The following BMPR1B variants were observed in gnomAD, a reference collection of about 807,000 sequenced individuals.
BMPR1B encodes the protein bone morphogenetic protein receptor type-1B.
Under a neutral mutation model 59.1 loss-of-function variants are expected in BMPR1B, and 12 were observed. The ratio of observed to expected loss-of-function variants is 0.20; its 90% CI spans 0.13 to 0.33. The LOEUF is 0.33. Ranked by LOEUF, BMPR1B falls within the 10% of genes least tolerant of loss-of-function variation. The pLI is 1.00. For missense variants in BMPR1B, 550 were observed against 610.9 expected (o/e 0.90, Z 1.05); for synonymous variants, 237 against 207.3 (o/e 1.14, Z -1.23).
At chr4:94,998,796 C>G (rs1166573068) in intron 3 of BMPR1B, among the ~76,000 whole-genome samples, 1 of 152,132 alleles carries the variant, frequency 6.6e-6, no homozygotes, top group Non-Finnish European at 1.5e-5. Flanking sequence ...CTATGAGTCT[C>G]TTGTTCATAT....
At chr4:95,093,432 TCTATGTCTGCTGAGGTTTATAA>T (rs1456893692) in intron 3 of BMPR1B, among the ~76,000 whole-genome samples, 2 of 1,354 alleles carry the variant, frequency 1.5e-3, no homozygotes, top group Non-Finnish European at 4.1e-3. Flanking sequence ...GGTTTATAAT[TCTATGTCTGCTGAGGTTTATAA>T]TTCTATGTCA....
At chr4:95,127,949 A>C (rs568892000) in intron 8 of BMPR1B, among the ~76,000 whole-genome samples, 1 of 150,612 alleles carries the variant, frequency 6.6e-6, no homozygotes, top group East Asian at 1.9e-4. Flanking sequence ...TTGTGGTGCG[A>C]TCTTGTCTCA....
At chr4:95,132,950 C>T (rs1251599523) in intron 10 of BMPR1B, among the ~76,000 whole-genome samples, 1 of 152,172 alleles carries the variant, frequency 6.6e-6, no homozygotes, top group Non-Finnish European at 1.5e-5. Context: ...CCAACTTCTC[C>T]TTTCTCTCTC....
At chr4:94,846,548 C>T (rs1002661439) in intron 1 of BMPR1B, among the ~76,000 whole-genome samples, 13 of 152,172 alleles carry the variant, frequency 8.5e-5, no homozygotes, top group African/African-American at 1.2e-4. Flanking sequence ...ATCTTTCTCC[C>T]GTGCTGGATG....
chr4:95,038,426 A>G (rs905289732), intron 3 of BMPR1B, among the ~76,000 whole-genome samples: 1 of 152,200 alleles, frequency 6.6e-6, no homozygotes, highest in Non-Finnish European at 1.5e-5. Context: ...TCAGAAAGAC[A>G]TCAAGCTTTA....
chr4:94,856,762 A>G (rs1450318792), intron 1 of BMPR1B, among the ~76,000 whole-genome samples: 1 of 152,212 alleles, frequency 6.6e-6, no homozygotes, highest in Non-Finnish European at 1.5e-5. Flanking sequence ...AAAGGTGGCA[A>G]ACAACTTGGG....
chr4:94,842,954 A>T (rs767997380), intron 1 of BMPR1B, among the ~76,000 whole-genome samples: 3 of 152,160 alleles, frequency 2.0e-5, no homozygotes, highest in Non-Finnish European at 4.4e-5. Context: ...GTTGAAATTG[A>T]ATTAGCTGTT....
intron 2 of BMPR1B, among the ~76,000 whole-genome samples, chr4:94,929,836 G>C (rs116023297): frequency 6.6e-6 from 1 of 151,870 alleles, no homozygotes; most frequent in Non-Finnish European, 1.5e-5. Context: ...AGCTTGACAC[G>C]TCCCATGTCC....
intron 2 of BMPR1B, among the ~76,000 whole-genome samples, chr4:94,908,828 A>G (rs1301456679): frequency 6.6e-6 from 1 of 152,060 alleles, no homozygotes; most frequent in Non-Finnish European, 1.5e-5. Context: ...CTCCGTGTTC[A>G]TAGTTCTTAT....
chr4:95,116,530 T>C (rs1349052236), intron 6 of BMPR1B, among the ~76,000 whole-genome samples: 1 of 151,916 alleles, frequency 6.6e-6, no homozygotes, highest in Non-Finnish European at 1.5e-5. Flanking sequence ...TGATTTTTCA[T>C]GATTGATTTT....
At chr4:94,982,677 C>G (rs758904715) in intron 2 of BMPR1B, among the ~76,000 whole-genome samples, 29 of 152,156 alleles carry the variant, frequency 1.9e-4, no homozygotes, top group Middle Eastern at 3.2e-3. Flanking sequence ...TTGACATCAT[C>G]ATGTGTCCTC....
chr4:95,041,935 A>G lies in BMPR1B; in HGVS notation c.-18+45801A>G, dbSNP rs553435900. 4.6e-5 allele frequency among the ~76,000 whole-genome samples: 7 copies of G among 152,116 alleles called. No homozygotes were observed. In the East Asian group the frequency reaches 1.4e-3, roughly 30 times the overall value. On this transcript the variant is annotated intron_variant, in intron 3 of 12. Coordinates refer to ENST00000515059, the MANE Select transcript of BMPR1B (RefSeq NM_001203.3). ...AGTGGTGCGATCTCAATTCACTGCAAGCTCCACCTCCCGGAGCTTCATGCC... is the reference window on the plus strand; with the variant it reads ...AGTGGTGCGATCTCAATTCACTGCAGGCTCCACCTCCCGGAGCTTCATGCC...
chr4:95,007,846 C>T (rs189632071), intron 3 of BMPR1B, among the ~76,000 whole-genome samples: 1 of 152,076 alleles, frequency 6.6e-6, no homozygotes, highest in Non-Finnish European at 1.5e-5. Flanking sequence ...AATGTGTTAA[C>T]CCATACCAAA....
chr4:94,804,454 C>T (rs139369287), intron 1 of BMPR1B, among the ~76,000 whole-genome samples: 101 of 152,222 alleles, frequency 6.6e-4, no homozygotes, highest in African/African-American at 2.4e-3. Context: ...CTATTGATTT[C>T]TAATAGAAAA....
intron 3 of BMPR1B, among the ~76,000 whole-genome samples, chr4:95,063,744 A>T (rs1031955268): frequency 6.6e-6 from 1 of 152,158 alleles, no homozygotes; most frequent in Non-Finnish European, 1.5e-5. Flanking sequence ...CTCTTGAAAA[A>T]CATGCTGTAT....
In BMPR1B at chr4:94,857,995, G is replaced by A. The variant is rs138708801; in HGVS notation, c.-182-17836G>A. 2.8e-3 allele frequency among the ~76,000 whole-genome samples: 424 copies of A among 152,148 alleles called. 1 individual carries two copies. Among genetic ancestry groups the A allele is most frequent in the African/African-American group, 9.3e-3 (385 of 41,500 alleles). On this transcript the variant is annotated intron_variant, in intron 1 of 12. Coordinates refer to ENST00000515059, the MANE Select transcript of BMPR1B (RefSeq NM_001203.3). ...GAGTCTCGCTCTGTCGCCCAGGCTG[G>A]AGTGCAGTGGCGCAATCTTGGCTCA... is the stretch of plus-strand genomic sequence containing the variant.
At chr4:95,070,723 A>C (rs1728216933) in intron 3 of BMPR1B, among the ~76,000 whole-genome samples, 1 of 152,220 alleles carries the variant, frequency 6.6e-6, no homozygotes, top group South Asian at 2.1e-4. Flanking sequence ...AGGAGCATAG[A>C]AGTTCTTAAT....
At chr4:94,968,491 C>T (rs574988782) in intron 2 of BMPR1B, among the ~76,000 whole-genome samples, 23 of 151,916 alleles carry the variant, frequency 1.5e-4, no homozygotes, top group South Asian at 4.2e-4. Flanking sequence ...ATCAGACAGC[C>T]GAATGTCAAT....
At chr4:95,103,506 G>A in intron 3 of BMPR1B, 2 of 984,774 alleles carry the variant, frequency 2.0e-6, no homozygotes, top group Non-Finnish European at 2.4e-6. Context: ...CACAACGCCT[G>A]AAACAAAATA....
Sources: allele counts gnomAD v4.1 joint callset (sites outside exome capture counted in the v4.1 genomes callset), GRCh38; gene constraint gnomAD v4.1.1; transcripts MANE v1.5; gene names NCBI Gene and HGNC (gene_info 2026-07-23, HGNC 2026-07-21).